ZNF723: variants seen among roughly 807,000 people sequenced by gnomAD.
ZNF723 encodes the protein zinc finger protein 723, pseudogene.
In ZNF723, 5 loss-of-function variants were observed where a neutral mutation model predicts 9.4. That is an observed-to-expected ratio of 0.53 (90% CI 0.28 to 1.12). The LOEUF (loss-of-function observed/expected upper bound fraction) is 1.12. Ranked by LOEUF, ZNF723 falls within the 50% of genes most tolerant of loss-of-function variation. The pLI, the probability that ZNF723 is intolerant of heterozygous loss-of-function variation, is 0.10. For synonymous variants in ZNF723, 158 were observed against 168.8 expected (o/e 0.94, Z 0.49); for missense variants, 450 against 501.5 (o/e 0.90, Z 0.98).
At chr19:22,834,209 C>T (rs1248191336) in intron 1 of ZNF723, among the ~76,000 whole-genome samples, 2 of 152,240 alleles carry the variant, frequency 1.3e-5, no homozygotes, top group South Asian at 2.1e-4. Flanking sequence ...AGCCACTGCG[C>T]CCAGCCTGGT....
upstream of ZNF723, among the ~76,000 whole-genome samples, chr19:22,829,386 A>G (rs528329022): frequency 6.6e-6 from 1 of 151,844 alleles, no homozygotes; most frequent in East Asian, 1.9e-4. Context: ...CCTGGGTTCA[A>G]GTGATTATCC....
chr19:22,841,509 C>A (rs754642567), intron 1 of ZNF723, among the ~76,000 whole-genome samples: 40 of 152,130 alleles, frequency 2.6e-4, no homozygotes, highest in Non-Finnish European at 5.1e-4. Flanking sequence ...GAAAATTTTT[C>A]TTTTAATTAT....
At chr19:22,823,912 A>G in the ZNF723 span, among the ~76,000 whole-genome samples, 1 of 152,222 alleles carries the variant, frequency 6.6e-6, no homozygotes, top group East Asian at 1.9e-4. Flanking sequence ...TTCTCCCCAC[A>G]TAAGACACTG....
chr19:22,845,965 A>G (rs1233656478), intron 1 of ZNF723, among the ~76,000 whole-genome samples: 1 of 140,686 alleles, frequency 7.1e-6, no homozygotes, highest in African/African-American at 2.7e-5. Flanking sequence ...ATTTCCATGC[A>G]TTTAGTACTT....
chr19:22,829,556 A>G (rs1967071738), upstream of ZNF723, among the ~76,000 whole-genome samples: 1 of 152,202 alleles, frequency 6.6e-6, no homozygotes, highest in African/African-American at 2.4e-5. Flanking sequence ...AAGTGCTGGG[A>G]TTACAGGCGT....
chr19:22,816,606 A>G, the ZNF723 span, among the ~76,000 whole-genome samples: 4 of 152,220 alleles, frequency 2.6e-5, no homozygotes, highest in Non-Finnish European at 5.9e-5. Flanking sequence ...TCAGCCTAGC[A>G]CTTGAGCAGA....
At chr19:22,838,566 A>AG (rs1967199167) in intron 1 of ZNF723, among the ~76,000 whole-genome samples, 2 of 152,162 alleles carry the variant, frequency 1.3e-5, no homozygotes, top group East Asian at 1.9e-4. Flanking sequence ...AGAAAAAAAA[A>AG]GAACATGCAT....
chr19:22,813,347 A>C, the ZNF723 span, among the ~76,000 whole-genome samples: 2 of 152,180 alleles, frequency 1.3e-5, no homozygotes, highest in African/African-American at 4.8e-5. Context: ...TGCAAGTGTG[A>C]CATATGGCAG....
intron 1 of ZNF723, among the ~76,000 whole-genome samples, chr19:22,847,736 C>T (rs1441325588): frequency 6.6e-6 from 1 of 152,084 alleles, no homozygotes; most frequent in African/African-American, 2.4e-5. Flanking sequence ...CATATATACA[C>T]TGATGTTGTG....
chr19:22,827,137 A>G, the ZNF723 span, among the ~76,000 whole-genome samples: 1 of 152,234 alleles, frequency 6.6e-6, no homozygotes, highest in Non-Finnish European at 1.5e-5. Flanking sequence ...TTCTAATGTA[A>G]AGGCTGTGGT....
intron 3 of ZNF723, among the ~76,000 whole-genome samples, chr19:22,849,857 T>A (rs752039239): frequency 1.3e-5 from 2 of 152,100 alleles, no homozygotes; most frequent in Non-Finnish European, 2.9e-5. Context: ...TCCTTAATTC[T>A]GATGTCGTGC....
intron 1 of ZNF723, 145 bp from the exon 2 acceptor site, chr19:22,848,116 A>AG: frequency 2.5e-6 from 1 of 396,404 alleles, no homozygotes; most frequent in East Asian, 4.0e-5. Flanking sequence ...AAAAAAAAAA[A>AG]AAAAATTATT....
At chr19:22,820,182 A>G in the ZNF723 span, among the ~76,000 whole-genome samples, 23,276 of 152,078 alleles carry the variant, frequency 0.15, 1,817 homozygotes, top group Non-Finnish European at 0.18. Flanking sequence ...AGTGGACCTC[A>G]TGACATATCT....
chr19:22,829,496 G>T (rs1040918077), upstream of ZNF723, among the ~76,000 whole-genome samples: 9 of 152,076 alleles, frequency 5.9e-5, no homozygotes, highest in South Asian at 2.1e-4. Flanking sequence ...TGTTGGCCAG[G>T]CTGGTCTTGA....
At chr19:22,847,654 A>T (rs1402349280) in intron 1 of ZNF723, among the ~76,000 whole-genome samples, 1 of 152,342 alleles carries the variant, frequency 6.6e-6, no homozygotes, top group African/African-American at 2.4e-5. Context: ...CTATGATGTT[A>T]ATATAGCACT....
intron 1 of ZNF723, among the ~76,000 whole-genome samples, chr19:22,839,786 A>G (rs1402821205): frequency 6.6e-6 from 1 of 151,898 alleles, no homozygotes; most frequent in East Asian, 1.9e-4. Flanking sequence ...TGCATCTGTA[A>G]TTTTTTGATG....
At position 22,832,296 on chromosome 19, in the gene ZNF723, G is replaced by A; in HGVS notation, c.-84G>A. 1 of 1,268,834 alleles carries A rather than the reference G, an allele frequency of 7.9e-7. No individual in the cohort carries two copies. The highest frequency in any genetic ancestry group is 1.1e-6 in the Non-Finnish European group (1 of 904,026). 78.6% of individuals were successfully genotyped at this position (1,268,834 alleles called of 1,614,324 possible). A position where few individuals can be genotyped will look rare whatever the true frequency, so the allele number is the denominator to read the frequency against. The stretch of plus-strand genomic sequence containing the variant: ...CTTCCGGGATTTGGCGCGGCCTTTT[G>A]AGTTCCTGGTCTCTGTGGCCTCCTG... On this transcript the variant is annotated 5_prime_UTR_variant, in exon 1 of 4. Coordinates refer to ENST00000600766, the MANE Select transcript of ZNF723 (RefSeq NM_001349726.2).
At chr19:22,834,188 T>C (rs1967137114) in intron 1 of ZNF723, among the ~76,000 whole-genome samples, 1 of 152,228 alleles carries the variant, frequency 6.6e-6, no homozygotes, top group Non-Finnish European at 1.5e-5. Flanking sequence ...AGTGCTGGGA[T>C]TGCAGGCATG....
In ZNF723 at chr19:22,856,785, A is replaced by G. The variant is rs75363293; in HGVS notation, c.227-333A>G. Among the ~76,000 whole-genome samples, 1,340 of 152,302 alleles carry G rather than the reference A, an allele frequency of 8.8e-3. 15 individuals are homozygous for G. The highest frequency in any genetic ancestry group is 0.014 in the Non-Finnish European group (941 of 68,022). On this transcript the variant is annotated intron_variant, in intron 3 of 3. Transcript: ENST00000600766. ...TGTGCCAGTATTTTACTTGTCTTTTAAAAAAGAATTCAGGAGCTTACAATT... is the reference window on the plus strand; with the variant it reads ...TGTGCCAGTATTTTACTTGTCTTTTGAAAAAGAATTCAGGAGCTTACAATT...
Sources: gnomAD v4.1 joint callset for allele counts (sites outside exome capture counted in the v4.1 genomes callset) on GRCh38, gnomAD v4.1.1 for gene constraint, MANE v1.5 for transcripts, NCBI Gene and HGNC (gene_info 2026-07-23, HGNC 2026-07-21) for gene names.